Variants in WDR27 observed in about 807,000 individuals in gnomAD.
The protein encoded by WDR27 is WD repeat-containing protein 27.
WDR27 carries 100 observed loss-of-function variants against 114.4 expected under a neutral mutation model. The ratio of observed to expected loss-of-function variants is 0.87; its 90% CI spans 0.74 to 1.03. The LOEUF (loss-of-function observed/expected upper bound fraction) is 1.03, where lower values mean the gene tolerates loss of function less well. Among genes scored for constraint, WDR27 ranks in the 50% least tolerant of loss-of-function variants. The pLI is 0.00. For missense variants in WDR27, 1,129 were observed against 1,092.9 expected (o/e 1.03, Z -0.47); for synonymous variants, 449 against 423.1 (o/e 1.06, Z -0.75).
At chr6:169,502,722 C>A (rs1487310864) in intron 25 of WDR27, among the ~76,000 whole-genome samples, 2 of 152,144 alleles carry the variant, frequency 1.3e-5, no homozygotes, top group Non-Finnish European at 2.9e-5. Flanking sequence ...CTGGGTCACC[C>A]GGGGTGCTCT....
intron 25 of WDR27, among the ~76,000 whole-genome samples, chr6:169,539,206 GTGT>G (rs1187285154): frequency 6.6e-6 from 1 of 152,110 alleles, no homozygotes; most frequent in East Asian, 1.9e-4. Flanking sequence ...CCTCACCACA[GTGT>G]CCCAGTCCCT....
chr6:169,647,235 G>A (rs149298023), intron 16 of WDR27, among the ~76,000 whole-genome samples: 3 of 152,332 alleles, frequency 2.0e-5, no homozygotes, highest in East Asian at 1.9e-4. Context: ...CAGGACACAC[G>A]TGAGAATCGG....
At chr6:169,476,873 T>A (rs527850462) in intron 25 of WDR27, among the ~76,000 whole-genome samples, 1 of 152,222 alleles carries the variant, frequency 6.6e-6, no homozygotes, top group Non-Finnish European at 1.5e-5. Context: ...TCAAATCATC[T>A]GCAAATAATG....
intron 23 of WDR27, among the ~76,000 whole-genome samples, chr6:169,596,953 T>C (rs1806914431): frequency 2.0e-5 from 3 of 152,196 alleles, no homozygotes; most frequent in South Asian, 2.1e-4. Context: ...TCATTTTTGA[T>C]TTATATATTT....
At chr6:169,461,052 A>G (rs117878666) in intron 25 of WDR27, among the ~76,000 whole-genome samples, 7 of 152,212 alleles carry the variant, frequency 4.6e-5, no homozygotes, top group African/African-American at 1.7e-4. Flanking sequence ...CAGATTAATA[A>G]AAGCTATAAT....
intron 1 of WDR27, among the ~76,000 whole-genome samples, chr6:169,691,250 T>TTA (rs1784435895): frequency 6.6e-6 from 1 of 152,188 alleles, no homozygotes; most frequent in Non-Finnish European, 1.5e-5. Context: ...TAAAAAAACG[T>TTA]AATTTTTAAA....
chr6:169,610,546 C>T (rs1472790278), intron 22 of WDR27, among the ~76,000 whole-genome samples: 1 of 152,134 alleles, frequency 6.6e-6, no homozygotes, highest in East Asian at 1.9e-4. Flanking sequence ...GGGGAAAATG[C>T]CCCCATTATT....
chr6:169,682,596 A>G (rs1461635395), intron 2 of WDR27, among the ~76,000 whole-genome samples: 4 of 152,238 alleles, frequency 2.6e-5, no homozygotes, highest in African/African-American at 4.8e-5. Context: ...CCCTCTGAAG[A>G]AGGACAGGCA....
chr6:169,619,903 A>G (rs1271198167), intron 21 of WDR27, among the ~76,000 whole-genome samples: 1 of 152,230 alleles, frequency 6.6e-6, no homozygotes, highest in Admixed American at 6.5e-5. Flanking sequence ...AATGTGACTG[A>G]ACTGGTTTTC....
rs1490392382 is a variant in WDR27 at position 169,670,412 on chromosome 6, T to TA, written c.456+156dup. The TA allele has an allele frequency of 6.9e-6, 5 of 727,876 alleles. No individual in the cohort carries two copies. The African/African-American group carries it at 8.9e-5, about 13-fold the overall frequency. The allele number at this position is 727,876 out of a possible 1,614,324, so 45.1% of individuals were successfully genotyped here. On this transcript the variant is annotated intron_variant, in intron 4 of 25. Coordinates refer to ENST00000448612, the MANE Select transcript of WDR27 (RefSeq NM_182552.5). ...TACCAGTGGTTTTCCAATTGCAAGA[T>TA]AAAGATATGATTTTATAAAAGTAAA...
intron 24 of WDR27, among the ~76,000 whole-genome samples, chr6:169,575,766 A>G (rs1476208597): frequency 1.3e-5 from 2 of 152,214 alleles, no homozygotes; most frequent in African/African-American, 4.8e-5. Flanking sequence ...CTTGAGTCAC[A>G]TGTTTCATTT....
intron 21 of WDR27, among the ~76,000 whole-genome samples, chr6:169,615,106 G>A (rs776430773): frequency 3.3e-5 from 5 of 152,012 alleles, no homozygotes; most frequent in Non-Finnish European, 7.4e-5. Flanking sequence ...TAAAAAATGT[G>A]GAAGAGAAAG....
chr6:169,446,375 CG>C, the WDR27 span, among the ~76,000 whole-genome samples: 3 of 151,550 alleles, frequency 2.0e-5, no homozygotes, highest in East Asian at 5.8e-4. Flanking sequence ...GGGCAGGGGC[CG>C]GGCACAAGGC....
At position 169,647,868 on chromosome 6, in the gene WDR27, T is replaced by G. The variant is rs1040353725; in HGVS notation, c.1562A>C (p.Glu521Ala). 2 of 1,552,718 alleles carry G rather than the reference T, an allele frequency of 1.3e-6. No individual in the cohort carries two copies. The highest frequency in any genetic ancestry group is 1.7e-6 in the Non-Finnish European group (2 of 1,152,084). Residue 521 changes from glutamate to alanine, a missense_variant and splice_region_variant, in exon 16 of 26, where the codon GAG (glutamate) becomes GCG (alanine). Glu to Ala is a moderately radical substitution (Grantham distance 107, BLOSUM62 -1). Coordinates refer to ENST00000448612, the MANE Select transcript of WDR27 (RefSeq NM_182552.5). ...SSRSRSSCAR[E>A]AYPVECAVPT... The stretch of plus-strand genomic sequence containing the variant: ...CACAGCGCACTCCACGGGGTATGCC[T>G]CCCTGAGGGAAGGCCACAGGTAACG...
intron 25 of WDR27, among the ~76,000 whole-genome samples, chr6:169,525,744 G>A (rs755801051): frequency 6.6e-6 from 1 of 152,058 alleles, no homozygotes; most frequent in Admixed American, 6.6e-5. Context: ...ATCCACTACT[G>A]GGTATGTATC....
At position 169,668,017 on chromosome 6, in the gene WDR27, T is replaced by C; in HGVS notation, c.625A>G (p.Thr209Ala). The stretch of plus-strand genomic sequence containing the variant: ...CTGTCCTCAGACGCCGAGATGAGGG[T>C]GCCTGCTCGCCAGGGACAGAACTCC... ...AVEFCPWRAGTLISASEDRGF... is the reference protein window; with the variant it reads ...AVEFCPWRAGALISASEDRGF... The change falls in exon 5 of 26, where the codon ACC becomes GCC. Residue 209 changes from threonine to alanine, a missense_variant. Coordinates refer to ENST00000448612, the MANE Select transcript of WDR27 (RefSeq NM_182552.5). 4 of 1,613,696 alleles carry C rather than the reference T, an allele frequency of 2.5e-6. No homozygotes were observed. Among genetic ancestry groups the C allele is most frequent in the Non-Finnish European group, 3.4e-6 (4 of 1,179,838 alleles).
intron 25 of WDR27, among the ~76,000 whole-genome samples, chr6:169,499,189 TTC>T (rs1790788433): frequency 6.6e-6 from 1 of 152,204 alleles, no homozygotes; most frequent in African/African-American, 2.4e-5. Context: ...TAATTTAAAC[TTC>T]AAATCCAGCC....
chr6:169,668,182 G>T lies in WDR27; in HGVS notation c.460C>A (p.Arg154=), dbSNP rs751502514. 1.9e-6 allele frequency: 3 copies of T among 1,613,778 alleles called. No individual in the cohort carries two copies. In the African/African-American group the frequency reaches 4.0e-5, roughly 22 times the overall value. The part of the protein sequence containing the change: ...NKIFMLDIEQ[R]FSVTYIERPD... ...CGTTCTATGTATGTCACAGAAAATC[G>T]CTGCTATTAAAATAAAGCCCAAATT... Residue 154 remains arginine, a synonymous_variant, in exon 5 of 26, where the codon CGA becomes AGA. Coordinates refer to ENST00000448612, the MANE Select transcript of WDR27 (RefSeq NM_182552.5).
At chr6:169,546,237 AAGCAACTGCCC>A (rs1472488928) in intron 25 of WDR27, among the ~76,000 whole-genome samples, 9 of 152,226 alleles carry the variant, frequency 5.9e-5, no homozygotes, top group African/African-American at 9.6e-5. Flanking sequence ...AAAAGGAAAC[AAGCAACTGCCC>A]AGCAACCCAG....
Sources: allele counts gnomAD v4.1 joint callset (sites outside exome capture counted in the v4.1 genomes callset), GRCh38; gene constraint gnomAD v4.1.1; transcripts MANE v1.5; gene names NCBI Gene and HGNC (gene_info 2026-07-23, HGNC 2026-07-21).